Variants in GALNTL6 observed in about 807,000 individuals in gnomAD.
GALNTL6 encodes the protein polypeptide N-acetylgalactosaminyltransferase like 6.
GALNTL6 carries 46 observed loss-of-function variants against 73.7 expected under a neutral mutation model. The ratio of observed to expected loss-of-function variants is 0.62; its 90% CI spans 0.49 to 0.80. GALNTL6 has a LOEUF of 0.80. Among genes scored for constraint, GALNTL6 ranks in the 30% least tolerant of loss-of-function variants. The pLI, the probability that GALNTL6 is intolerant of heterozygous loss-of-function variation, is 0.00. For missense variants in GALNTL6, 604 were observed against 755.0 expected (o/e 0.80, Z 2.34); for synonymous variants, 259 against 263.7 (o/e 0.98, Z 0.17).
At chr4:172,817,661 A>C (rs1485127854) in intron 7 of GALNTL6, among the ~76,000 whole-genome samples, 1 of 152,224 alleles carries the variant, frequency 6.6e-6, no homozygotes, top group African/African-American at 2.4e-5. Flanking sequence ...CCATGATGAC[A>C]AAGAGAAAGA....
intron 2 of GALNTL6, among the ~76,000 whole-genome samples, chr4:172,156,571 A>ATATAGTGTATATAT (rs751638637): frequency 2.8e-5 from 2 of 70,964 alleles, no homozygotes; most frequent in Admixed American, 1.4e-4. Context: ...ATATATACAT[A>ATATAGTGTATATAT]CTATATATAT....
At chr4:172,282,191 A>G (rs1579329702) in intron 3 of GALNTL6, among the ~76,000 whole-genome samples, 3 of 152,184 alleles carry the variant, frequency 2.0e-5, no homozygotes, top group Admixed American at 6.5e-5. Flanking sequence ...TATGAAAACA[A>G]TAGATAATCC....
chr4:172,043,010 A>G (rs1395163488), intron 2 of GALNTL6, among the ~76,000 whole-genome samples: 1 of 151,962 alleles, frequency 6.6e-6, no homozygotes, highest in African/African-American at 2.4e-5. Flanking sequence ...CAGACTGATA[A>G]TGAGTCACCG....
chr4:171,897,965 G>A (rs990473744), intron 2 of GALNTL6, among the ~76,000 whole-genome samples: 11 of 151,386 alleles, frequency 7.3e-5, no homozygotes, highest in Admixed American at 3.9e-4. Flanking sequence ...TCAAAGACTA[G>A]GAACAAATGT....
At chr4:172,400,948 C>T (rs1036044601) in intron 5 of GALNTL6, among the ~76,000 whole-genome samples, 1 of 151,930 alleles carries the variant, frequency 6.6e-6, no homozygotes, top group Non-Finnish European at 1.5e-5. Flanking sequence ...AACCTAGGTC[C>T]AAAACATTTC....
intron 5 of GALNTL6, among the ~76,000 whole-genome samples, chr4:172,498,399 A>G (rs970097341): frequency 6.6e-6 from 1 of 152,172 alleles, no homozygotes; most frequent in African/African-American, 2.4e-5. Flanking sequence ...TCATTTAAAA[A>G]AATTTTATAC....
intron 6 of GALNTL6, among the ~76,000 whole-genome samples, chr4:172,813,256 T>C (rs1741414713): frequency 6.6e-6 from 1 of 152,124 alleles, no homozygotes; most frequent in African/African-American, 2.4e-5. Context: ...TGGGGACAGG[T>C]CAGGGCAAAA....
intron 5 of GALNTL6, among the ~76,000 whole-genome samples, chr4:172,407,815 G>A (rs1422262920): frequency 6.6e-6 from 1 of 152,006 alleles, no homozygotes; most frequent in African/African-American, 2.4e-5. Flanking sequence ...GGAATTGAAT[G>A]TTTAGCTAAT....
chr4:172,597,861 A>G (rs998648524), intron 5 of GALNTL6, among the ~76,000 whole-genome samples: 1 of 152,112 alleles, frequency 6.6e-6, no homozygotes, highest in Non-Finnish European at 1.5e-5. Flanking sequence ...TTCCTCCACA[A>G]AATTTGAAAA....
At chr4:171,981,216 C>T (rs1739887947) in intron 2 of GALNTL6, among the ~76,000 whole-genome samples, 1 of 152,172 alleles carries the variant, frequency 6.6e-6, no homozygotes, top group African/African-American at 2.4e-5. Flanking sequence ...GGTGGGGCTT[C>T]TGGATTCCAG....
chr4:172,376,698 C>T (rs947748771), intron 5 of GALNTL6, among the ~76,000 whole-genome samples: 1 of 152,072 alleles, frequency 6.6e-6, no homozygotes, highest in Non-Finnish European at 1.5e-5. Context: ...GTGATGGTCT[C>T]ACCGCTTGGT....
chr4:172,807,917 G>A (rs772619470), intron 5 of GALNTL6, among the ~76,000 whole-genome samples: 4 of 152,120 alleles, frequency 2.6e-5, no homozygotes, highest in Non-Finnish European at 4.4e-5. Context: ...CCACCTCCCG[G>A]GTTCAATCAA....
At position 172,153,077 on chromosome 4, in the gene GALNTL6, T is replaced by G. The variant is rs545552859; in HGVS notation, c.139-76579T>G. On this transcript the variant is annotated intron_variant, in intron 2 of 12. Coordinates refer to ENST00000506823, the MANE Select transcript of GALNTL6 (RefSeq NM_001034845.3). ...GTTATACATAAAAATTGCCTTCAAG[T>G]TATAGCTAGAGTTCACATCCGCTTA... 2.6e-5 allele frequency among the ~76,000 whole-genome samples: 4 copies of G among 152,308 alleles called. 1 individual carries two copies. In the Middle Eastern group the frequency reaches 0.014, roughly 518 times the overall value.
At chr4:171,959,086 A>C (rs1445116461) in intron 2 of GALNTL6, among the ~76,000 whole-genome samples, 3 of 152,184 alleles carry the variant, frequency 2.0e-5, no homozygotes, top group Non-Finnish European at 2.9e-5. Context: ...CAACTTAGTA[A>C]GTAAAACTTT....
chr4:172,082,391 T>A (rs948381587), intron 2 of GALNTL6, among the ~76,000 whole-genome samples: 3 of 152,110 alleles, frequency 2.0e-5, no homozygotes, highest in African/African-American at 7.2e-5. Context: ...GAAAATCAAG[T>A]AGGCAATTGA....
intron 2 of GALNTL6, among the ~76,000 whole-genome samples, chr4:171,953,225 CGTGTGTGTGTGT>C (rs36214606): frequency 3.7e-4 from 54 of 147,124 alleles, no homozygotes; most frequent in Admixed American, 5.4e-4. Context: ...CGCATGCGCA[CGTGTGTGTGTGT>C]GTGTGTGTGT....
intron 11 of GALNTL6, among the ~76,000 whole-genome samples, chr4:173,015,304 C>T (rs1579783815): frequency 6.6e-6 from 1 of 152,138 alleles, no homozygotes; most frequent in South Asian, 2.1e-4. Context: ...AATGTGGCAG[C>T]AACTGTGGAA....
intron 2 of GALNTL6, among the ~76,000 whole-genome samples, chr4:172,057,722 AAAAAAATAT>A (rs1731066847): frequency 5.1e-5 from 4 of 78,492 alleles, no homozygotes; most frequent in African/African-American, 2.0e-4. Context: ...AAAAAAAAAA[AAAAAAATAT>A]ATATATATAT....
intron 10 of GALNTL6, among the ~76,000 whole-genome samples, chr4:172,992,079 C>T (rs1159546661): frequency 6.6e-6 from 1 of 152,072 alleles, no homozygotes; most frequent in South Asian, 2.1e-4. Context: ...CCCAAAAAAC[C>T]AAATTCGTAT....
Sources: gnomAD v4.1 joint callset for allele counts (sites outside exome capture counted in the v4.1 genomes callset) on GRCh38, gnomAD v4.1.1 for gene constraint, MANE v1.5 for transcripts, NCBI Gene and HGNC (gene_info 2026-07-23, HGNC 2026-07-21) for gene names.